The following SLC60A2 variants were observed in gnomAD, a reference collection of about 807,000 sequenced individuals.
SLC60A2 encodes major facilitator superfamily domain containing 4B.
chr6:111,265,259 T>C, the SLC60A2 span: 6 of 974,610 alleles, frequency 6.2e-6, 1 homozygote, highest in South Asian at 2.9e-4. Context: ...TATCTGAAAA[T>C]ATCTGTTGAA....
At chr6:111,267,838 G>A in the SLC60A2 span, 1 of 152,072 alleles carries the variant, frequency 6.6e-6, no homozygotes, top group Non-Finnish European at 1.5e-5. Context: ...AAATGGAGAG[G>A]TATTTTTATT....
the SLC60A2 span, chr6:111,266,097 G>A: frequency 8.7e-6 from 14 of 1,613,986 alleles, no homozygotes; most frequent in African/African-American, 1.3e-4. Flanking sequence ...AGTACCTAAT[G>A]ATAAGAATTT....
At chr6:111,262,954 A>G in the SLC60A2 span, among the ~76,000 whole-genome samples, 3 of 150,950 alleles carry the variant, frequency 2.0e-5, no homozygotes, top group Non-Finnish European at 4.4e-5. Context: ...TTTTTTTGAG[A>G]CAGGGTCTCC....
the SLC60A2 span, chr6:111,267,110 T>C: frequency 1.2e-6 from 2 of 1,606,356 alleles, no homozygotes; most frequent in South Asian, 2.2e-5. Flanking sequence ...CAAAAGGGAC[T>C]AACGTTTAGA....
the SLC60A2 span, among the ~76,000 whole-genome samples, chr6:111,271,551 A>G: frequency 6.6e-6 from 1 of 151,934 alleles, no homozygotes; most frequent in African/African-American, 2.4e-5. Flanking sequence ...TGAACTGGTT[A>G]TTAGTTTGAA....
At chr6:111,262,427 T>A in the SLC60A2 span, 2 of 1,609,022 alleles carry the variant, frequency 1.2e-6, no homozygotes, top group African/African-American at 1.3e-5. Context: ...TACTTTTGGG[T>A]AAGTAAATGC....
At chr6:111,259,350 GT>G in the SLC60A2 span, 1 of 313,452 alleles carries the variant, frequency 3.2e-6, no homozygotes, top group Admixed American at 5.0e-5. Context: ...GAGAGCGAGC[GT>G]CTTTTGCCAC....
At chr6:111,266,906 A>G in the SLC60A2 span, 1 of 1,614,102 alleles carries the variant, frequency 6.2e-7, no homozygotes, top group Non-Finnish European at 8.5e-7. Context: ...ATGCAGAAAA[A>G]TGGAATGAAA....
chr6:111,262,326 AGTCT>A, the SLC60A2 span: 6 of 1,613,934 alleles, frequency 3.7e-6, no homozygotes, highest in South Asian at 3.3e-5. Flanking sequence ...AAATATCAGT[AGTCT>A]GTCTTTCATT....
the SLC60A2 span, among the ~76,000 whole-genome samples, chr6:111,260,334 T>A: frequency 6.6e-6 from 1 of 152,158 alleles, no homozygotes; most frequent in Admixed American, 6.5e-5. Flanking sequence ...GAAAAACTAC[T>A]TTTCTGGAAT....
the SLC60A2 span, among the ~76,000 whole-genome samples, chr6:111,273,937 G>C: frequency 1.3e-5 from 2 of 151,980 alleles, no homozygotes; most frequent in Non-Finnish European, 2.9e-5. Context: ...TTCCCAGGCA[G>C]GTCTTGAACT....
At chr6:111,267,233 C>T in the SLC60A2 span, 3 of 1,024,116 alleles carry the variant, frequency 2.9e-6, no homozygotes, top group Non-Finnish European at 4.2e-6. Context: ...TTTTTAGGTC[C>T]ATATTATAGC....
the SLC60A2 span, chr6:111,268,126 G>A: frequency 6.6e-6 from 1 of 152,230 alleles, no homozygotes; most frequent in Non-Finnish European, 1.5e-5. Context: ...GTGACAGCAT[G>A]TTCTTCATTT....
chr6:111,259,744 C>T, the SLC60A2 span: 1 of 1,575,052 alleles, frequency 6.3e-7, no homozygotes, highest in Non-Finnish European at 8.6e-7. Context: ...GCCGGGGCTG[C>T]AACACTCCCA....
At chr6:111,270,711 G>A in the SLC60A2 span, 1 of 152,442 alleles carries the variant, frequency 6.6e-6, no homozygotes, top group East Asian at 1.9e-4. Flanking sequence ...CGGGCGTGGT[G>A]GCGGGTGCCT....
the SLC60A2 span, chr6:111,266,100 A>G: frequency 1.9e-6 from 3 of 1,614,142 alleles, no homozygotes; most frequent in Admixed American, 3.3e-5. Context: ...ACCTAATGAT[A>G]AGAATTTACT....
At chr6:111,259,567 C>T in the SLC60A2 span, 2 of 913,430 alleles carry the variant, frequency 2.2e-6, no homozygotes, top group East Asian at 5.9e-5. Context: ...CTCCGTGGGG[C>T]CGGGCCCCCG....
At chr6:111,276,288 A>G in the SLC60A2 span, among the ~76,000 whole-genome samples, 41 of 152,360 alleles carry the variant, frequency 2.7e-4, no homozygotes, top group East Asian at 7.5e-3. Flanking sequence ...ATATATACCC[A>G]TAAGTGGAAT....
the SLC60A2 span, among the ~76,000 whole-genome samples, chr6:111,275,409 CT>C: frequency 0.024 from 3,395 of 139,634 alleles, 37 homozygotes; most frequent in South Asian, 0.053. Context: ...CTCAGAACAA[CT>C]TTTTTTTTTT....
Sources: gnomAD v4.1 joint callset for allele counts (sites outside exome capture counted in the v4.1 genomes callset) on GRCh38, gnomAD v4.1.1 for gene constraint, MANE v1.5 for transcripts, NCBI Gene and HGNC (gene_info 2026-07-23, HGNC 2026-07-21) for gene names.